Variants in COX7B2 observed in about 807,000 individuals in gnomAD.
COX7B2 encodes cytochrome c oxidase subunit 7B2, also known as cytochrome c oxidase subunit 7B2, mitochondrial.
For synonymous variants in COX7B2, 37 were observed against 32.1 expected, an observed-to-expected ratio of 1.15 and a Z score of -0.51; for missense variants, 109 against 95.9, an observed-to-expected ratio of 1.14 and a Z score of -0.57.
chr4:46,824,517 TAA>T (rs775043345), intron 2 of COX7B2, among the ~76,000 whole-genome samples: 5 of 152,020 alleles, frequency 3.3e-5, no homozygotes, highest in Non-Finnish European at 5.9e-5. Flanking sequence ...TGATTACAGT[TAA>T]GAGATAGAAA....
chr4:46,819,539 TAAAAAAA>T (rs397959996), intron 2 of COX7B2, among the ~76,000 whole-genome samples: 1 of 112,270 alleles, frequency 8.9e-6, no homozygotes, highest in African/African-American at 3.3e-5. Flanking sequence ...GCTGATGAGC[TAAAAAAA>T]AAAAAAAAAA....
chr4:46,872,760 G>A (rs1008080953), intron 1 of COX7B2, among the ~76,000 whole-genome samples: 1 of 152,060 alleles, frequency 6.6e-6, no homozygotes, highest in Non-Finnish European at 1.5e-5. Flanking sequence ...TTCATTTTGT[G>A]CCTAACTTCC....
intron 2 of COX7B2, among the ~76,000 whole-genome samples, chr4:46,806,690 C>T (rs1019101585): frequency 1.3e-5 from 2 of 152,054 alleles, no homozygotes; most frequent in East Asian, 1.9e-4. Flanking sequence ...CCAGTTCCCA[C>T]ATTTGCTTCC....
chr4:46,781,990 G>A (rs375225185), intron 2 of COX7B2, among the ~76,000 whole-genome samples: 20 of 152,206 alleles, frequency 1.3e-4, no homozygotes, highest in South Asian at 1.2e-3. Context: ...GATGGGCGCC[G>A]CCCCCTGCTT....
intron 2 of COX7B2, among the ~76,000 whole-genome samples, chr4:46,790,843 A>G (rs2109584357): frequency 6.6e-6 from 1 of 152,320 alleles, no homozygotes; most frequent in Non-Finnish European, 1.5e-5. Context: ...CTTGCTGCTT[A>G]AGAATCAAAC....
At chr4:46,883,506 C>G (rs970017775) in intron 1 of COX7B2, among the ~76,000 whole-genome samples, 9 of 151,978 alleles carry the variant, frequency 5.9e-5, no homozygotes, top group Non-Finnish European at 1.3e-4. Context: ...GAGTCCAAGG[C>G]GAGTGGATCG....
chr4:46,805,998 G>A (rs950380208), intron 2 of COX7B2, among the ~76,000 whole-genome samples: 17 of 152,078 alleles, frequency 1.1e-4, no homozygotes, highest in Non-Finnish European at 2.2e-4. Flanking sequence ...CAGAATGTAA[G>A]CTTAATTAAT....
intron 2 of COX7B2, among the ~76,000 whole-genome samples, chr4:46,812,609 G>C (rs545945103): frequency 1.3e-5 from 2 of 152,292 alleles, no homozygotes; most frequent in East Asian, 3.9e-4. Flanking sequence ...GGGACAGGGA[G>C]CAGTACAGTG....
chr4:46,871,146 C>G (rs1390797639), intron 1 of COX7B2, among the ~76,000 whole-genome samples: 1 of 151,970 alleles, frequency 6.6e-6, no homozygotes, highest in African/African-American at 2.4e-5. Flanking sequence ...AAAACAGACA[C>G]ATAGACCAAT....
chr4:46,783,658 A>C (rs1359133682), intron 2 of COX7B2, among the ~76,000 whole-genome samples: 6 of 152,202 alleles, frequency 3.9e-5, no homozygotes, highest in Non-Finnish European at 8.8e-5. Context: ...AAACTCACAC[A>C]TGCTAGGCCC....
chr4:46,892,754 G>A (rs777583842), intron 1 of COX7B2, among the ~76,000 whole-genome samples: 1 of 152,120 alleles, frequency 6.6e-6, no homozygotes, highest in African/African-American at 2.4e-5. Flanking sequence ...TCGTTGTTGT[G>A]GAAGTAATTA....
At chr4:46,783,097 C>T (rs1717569320) in intron 2 of COX7B2, among the ~76,000 whole-genome samples, 1 of 152,160 alleles carries the variant, frequency 6.6e-6, no homozygotes, top group Non-Finnish European at 1.5e-5. Context: ...AAATGGGGTA[C>T]ATGAAAAGAA....
chr4:46,773,369 A>T lies in COX7B2; in HGVS notation c.-49-38128T>A, dbSNP rs182535370. On this transcript the variant is annotated intron_variant, in intron 2 of 2. Coordinates refer to ENST00000355591, the MANE Select transcript of COX7B2 (RefSeq NM_130902.3). Reference sequence around the variant, plus strand: ...CTATAAGGGGCTTTTCCCCCTTTGCACAGCACTTCTGCTTTCTGCTGTCAT... The same window carrying T: ...CTATAAGGGGCTTTTCCCCCTTTGCTCAGCACTTCTGCTTTCTGCTGTCAT... 2.1e-3 allele frequency among the ~76,000 whole-genome samples: 319 copies of T among 152,136 alleles called. 1 individual carries two copies. The highest frequency in any genetic ancestry group is 7.4e-3 in the African/African-American group (309 of 41,504).
intron 1 of COX7B2, among the ~76,000 whole-genome samples, chr4:46,902,515 C>T (rs760742778): frequency 6.6e-6 from 1 of 152,210 alleles, no homozygotes; most frequent in Non-Finnish European, 1.5e-5. Context: ...TCTATCAAGA[C>T]ATTGCTTCTT....
chr4:46,825,771 G>A (rs1222184807), intron 2 of COX7B2, among the ~76,000 whole-genome samples: 1 of 152,058 alleles, frequency 6.6e-6, no homozygotes, highest in Non-Finnish European at 1.5e-5. Flanking sequence ...ACAAAAACAA[G>A]CAATGGGGAA....
At chr4:46,814,622 C>G (rs573640653) in intron 2 of COX7B2, among the ~76,000 whole-genome samples, 1 of 152,154 alleles carries the variant, frequency 6.6e-6, no homozygotes, top group East Asian at 1.9e-4. Context: ...AGTTATATAC[C>G]TCATACTAAT....
intron 2 of COX7B2, among the ~76,000 whole-genome samples, chr4:46,777,814 TCTTCATG>T (rs1388894715): frequency 2.0e-5 from 3 of 152,094 alleles, no homozygotes; most frequent in Non-Finnish European, 4.4e-5. Flanking sequence ...ATACTAAACT[TCTTCATG>T]CTTCAATTTC....
chr4:46,893,310 G>A lies in COX7B2; in HGVS notation c.-105+15850C>T, dbSNP rs189989312. Among the ~76,000 whole-genome samples, 50 of 152,256 alleles carry A rather than the reference G, an allele frequency of 3.3e-4. No homozygotes were observed. The East Asian group carries it at 9.1e-3, about 28-fold the overall frequency. On this transcript the variant is annotated intron_variant, in intron 1 of 2. Coordinates refer to ENST00000355591, the MANE Select transcript of COX7B2 (RefSeq NM_130902.3). ...TGTTCCTTTATAGCATTTTACACAA[G>A]TGGTCTGCTTTATACCAGCCAGTTG...
At chr4:46,864,482 G>T (rs952646384) in intron 1 of COX7B2, among the ~76,000 whole-genome samples, 1 of 152,194 alleles carries the variant, frequency 6.6e-6, no homozygotes, top group African/African-American at 2.4e-5. Context: ...GAAGTTAAGA[G>T]AAATCATCAA....
Sources: allele counts gnomAD v4.1 joint callset (sites outside exome capture counted in the v4.1 genomes callset), GRCh38; gene constraint gnomAD v4.1.1; transcripts MANE v1.5; gene names NCBI Gene and HGNC (gene_info 2026-07-23, HGNC 2026-07-21).